Variants in XIRP2 observed in about 807,000 individuals in gnomAD.
The protein encoded by XIRP2 is xin actin binding repeat containing 2, also known as xin actin-binding repeat-containing protein 2.
A neutral mutation model predicts 277.0 loss-of-function variants in XIRP2; 236 were observed. That is an observed-to-expected ratio of 0.85 (90% CI 0.77 to 0.95). The LOEUF is 0.95. Ranked by LOEUF, XIRP2 falls within the 40% of genes least tolerant of loss-of-function variation. XIRP2 has a pLI of 0.00. For missense variants in XIRP2, 4,640 were observed against 4,157.5 expected (o/e 1.12, Z -3.19); for synonymous variants, 1,490 against 1,416.5 (o/e 1.05, Z -1.17).
intron 3 of XIRP2, among the ~76,000 whole-genome samples, chr2:167,142,505 G>A (rs951678819): frequency 1.3e-5 from 2 of 151,906 alleles, no homozygotes; most frequent in African/African-American, 4.8e-5. Flanking sequence ...CTGAGATCAT[G>A]CCACTGCACT....
chr2:167,077,100 A>C (rs1689592363), intron 2 of XIRP2, among the ~76,000 whole-genome samples: 1 of 151,922 alleles, frequency 6.6e-6, no homozygotes, highest in Non-Finnish European at 1.5e-5. Context: ...CAATCAGCCC[A>C]CCTCAGCCTC....
chr2:167,185,902 A>T (rs73027825), intron 3 of XIRP2, among the ~76,000 whole-genome samples: 15,006 of 152,206 alleles, frequency 0.099, 797 homozygotes, highest in South Asian at 0.15. Context: ...CAGATGAATA[A>T]AGTGAAGCTT....
chr2:166,935,619 G>A (rs982239762), intron 2 of XIRP2, among the ~76,000 whole-genome samples: 3 of 152,072 alleles, frequency 2.0e-5, no homozygotes, highest in African/African-American at 7.2e-5. Context: ...GTGTCCATGT[G>A]TTCTCATTCT....
chr2:167,071,429 G>A (rs1689434658), intron 2 of XIRP2, among the ~76,000 whole-genome samples: 1 of 152,096 alleles, frequency 6.6e-6, no homozygotes, highest in Admixed American at 6.5e-5. Flanking sequence ...TTATGGTTCC[G>A]ACACGCCGGA....
intron 2 of XIRP2, among the ~76,000 whole-genome samples, chr2:166,994,714 T>C (rs1295999244): frequency 6.6e-6 from 1 of 151,674 alleles, no homozygotes; most frequent in African/African-American, 2.4e-5. Context: ...TTTAAAAATT[T>C]GAGTAAGATC....
At position 166,903,548 on chromosome 2, in the gene XIRP2, G is replaced by A; in HGVS notation, c.66G>A (p.Gln22=). ...AGAAATGGGAATCTTGTGATTATCA[G>A]AGAAGTGAGTGTCATCCCAGGGACA... is the stretch of plus-strand genomic sequence containing the variant. The part of the protein sequence containing the change: ...LRQKWESCDY[Q]RSECHPRDSH... Residue 22 remains glutamine, a synonymous_variant, in exon 2 of 11, where the codon CAG becomes CAA. Coordinates refer to ENST00000409195, the MANE Select transcript of XIRP2 (RefSeq NM_152381.6). 6.2e-7 allele frequency: 1 copy of A among 1,613,544 alleles called. No homozygotes were observed. Among genetic ancestry groups the A allele is most frequent in the Non-Finnish European group, 8.5e-7 (1 of 1,179,748 alleles).
At chr2:167,020,983 G>A (rs1000714125) in intron 2 of XIRP2, among the ~76,000 whole-genome samples, 2 of 151,906 alleles carry the variant, frequency 1.3e-5, no homozygotes, top group Non-Finnish European at 2.9e-5. Flanking sequence ...CTTTGCGTTG[G>A]CAGGGGTGTT....
At chr2:166,998,909 A>C (rs1687294145) in intron 2 of XIRP2, among the ~76,000 whole-genome samples, 1 of 152,174 alleles carries the variant, frequency 6.6e-6, no homozygotes, top group Non-Finnish European at 1.5e-5. Context: ...AACTCATTAC[A>C]ATTTTGATGT....
intron 2 of XIRP2, among the ~76,000 whole-genome samples, chr2:166,910,731 C>A (rs1273366577): frequency 6.6e-6 from 1 of 152,130 alleles, no homozygotes; most frequent in Non-Finnish European, 1.5e-5. Flanking sequence ...ATTTTTCCTG[C>A]TTTCTCTTGT....
chr2:167,178,044 A>C (rs1384075297), intron 3 of XIRP2, among the ~76,000 whole-genome samples: 5 of 152,152 alleles, frequency 3.3e-5, no homozygotes, highest in African/African-American at 4.8e-5. Context: ...AACAAAAAAA[A>C]AAAAAGCAAA....
chr2:167,183,445 A>G (rs950603778), intron 3 of XIRP2, among the ~76,000 whole-genome samples: 2 of 152,214 alleles, frequency 1.3e-5, no homozygotes, highest in African/African-American at 4.8e-5. Flanking sequence ...TTAATAAAAA[A>G]TATCCATACC....
Position 167,243,659 on chromosome 2 carries a change from C to T in XIRP2, c.2267C>T (p.Thr756Ile). Residue 756 changes from threonine to isoleucine, a missense_variant, in exon 9 of 11, where the codon ACT becomes ATT. Coordinates refer to ENST00000409195, the MANE Select transcript of XIRP2 (RefSeq NM_152381.6). The part of the protein sequence containing the change: ...DGSGQMLEIK[T>I]VHREDVEKGD... ...TCGGGCCAAATGCTGGAAATTAAAACTGTTCACAGAGAAGACGTTGAAAAG... is the reference window on the plus strand; with the variant it reads ...TCGGGCCAAATGCTGGAAATTAAAATTGTTCACAGAGAAGACGTTGAAAAG... 6.2e-7 allele frequency: 1 copy of T among 1,613,980 alleles called. No homozygotes were observed. The highest frequency in any genetic ancestry group is 8.5e-7 in the Non-Finnish European group (1 of 1,179,956).
intron 3 of XIRP2, among the ~76,000 whole-genome samples, chr2:167,159,147 G>T (rs1692289871): frequency 6.6e-6 from 1 of 152,114 alleles, no homozygotes; most frequent in Non-Finnish European, 1.5e-5. Context: ...GGTATACCGG[G>T]GGAGGAACCA....
At chr2:166,941,436 G>T (rs1007729138) in intron 2 of XIRP2, among the ~76,000 whole-genome samples, 1 of 152,150 alleles carries the variant, frequency 6.6e-6, no homozygotes, top group Non-Finnish European at 1.5e-5. Flanking sequence ...ACGCTCAGTG[G>T]GCTATATCCA....
At position 167,247,075 on chromosome 2, in the gene XIRP2, A is replaced by G; in HGVS notation, c.5683A>G (p.Ile1895Val). The change falls in exon 9 of 11, where the codon ATT becomes GTT. Residue 1895 changes from isoleucine (I) to valine (V), a missense_variant. Physicochemically the swap from Ile to Val is conservative, Grantham distance 29 (BLOSUM62 3). Transcript: ENST00000409195. Reference sequence around the variant, plus strand: ...ACAGCCTGATGCCATCCCTGGTGATATTGAAAAAGCTATTGAATGCCTTGA... The same window carrying G: ...ACAGCCTGATGCCATCCCTGGTGATGTTGAAAAAGCTATTGAATGCCTTGA... ...SKQPDAIPGD[I>V]EKAIECLEKA... 6.2e-7 allele frequency: 1 copy of G among 1,612,330 alleles called. No homozygotes were observed. The highest frequency in any genetic ancestry group is 1.1e-5 in the South Asian group (1 of 90,678).
Position 167,258,125 on chromosome 2 carries a change from A to G in XIRP2, c.*308A>G. 1 of 1,613,228 alleles carries G rather than the reference A, an allele frequency of 6.2e-7. No homozygotes were observed. Among genetic ancestry groups the G allele is most frequent in the Non-Finnish European group, 8.5e-7 (1 of 1,179,542 alleles). ...CAGTGAAGGGCAAAGGAATGATTTG[A>G]GAAAATTAGGGGAAAGGGGAAAATT... is the stretch of plus-strand genomic sequence containing the variant. On this transcript the variant is annotated 3_prime_UTR_variant, in exon 11 of 11. Coordinates refer to ENST00000409195, the MANE Select transcript of XIRP2 (RefSeq NM_152381.6).
intron 5 of XIRP2, among the ~76,000 whole-genome samples, chr2:167,239,404 T>A (rs1228921164): frequency 6.6e-6 from 1 of 152,320 alleles, no homozygotes; most frequent in African/African-American, 2.4e-5. Flanking sequence ...TTTATGACAA[T>A]GAGATAATAT....
At chr2:166,972,937 A>G (rs1686617932) in intron 2 of XIRP2, among the ~76,000 whole-genome samples, 1 of 152,218 alleles carries the variant, frequency 6.6e-6, no homozygotes, top group South Asian at 2.1e-4. Context: ...AATGCTTTCT[A>G]AATTTATCAT....
chr2:167,218,104 C>A, intron 4 of XIRP2, 62 bp from the exon 5 acceptor site: 1 of 1,337,246 alleles, frequency 7.5e-7, no homozygotes, highest in Non-Finnish European at 9.8e-7. Flanking sequence ...TTTAAAATAG[C>A]TTCAGAATCC....
Sources: gnomAD v4.1 joint callset for allele counts (sites outside exome capture counted in the v4.1 genomes callset) on GRCh38, gnomAD v4.1.1 for gene constraint, MANE v1.5 for transcripts, NCBI Gene and HGNC (gene_info 2026-07-23, HGNC 2026-07-21) for gene names.